SLC12A6: variants seen among roughly 807,000 people sequenced by gnomAD.
The protein encoded by SLC12A6 is K-Cl cotransporter 3.
Under a neutral mutation model 135.3 loss-of-function variants are expected in SLC12A6, and 66 were observed. That is an observed-to-expected ratio of 0.49 (90% confidence interval 0.40 to 0.60). The LOEUF (loss-of-function observed/expected upper bound fraction) is 0.60. Ranked by LOEUF, SLC12A6 falls within the 20% of genes least tolerant of loss-of-function variation. The pLI is 0.00. For missense variants in SLC12A6, 1,058 were observed against 1,452.3 expected, an observed-to-expected ratio of 0.73 and a Z score of 4.41; for synonymous variants, 513 against 508.8, an observed-to-expected ratio of 1.01 and a Z score of -0.11.
intron 7 of SLC12A6, 72 bp from the exon 8 acceptor site, chr15:34,255,464 A>G: frequency 1.9e-6 from 2 of 1,067,276 alleles, no homozygotes; most frequent in South Asian, 1.3e-5. Flanking sequence ...TAAAACAGAA[A>G]TAAGAAAAAA....
Position 34,281,492 on chromosome 15 carries a change from T to A in SLC12A6, c.272-6103A>T, listed in dbSNP as rs531207923. ...AAAAACTAACATGAGATTAATGAGG[T>A]TTAAATAAATGAGTAAGCCGGGTGC... On this transcript the variant is annotated intron_variant, in intron 2 of 25. Coordinates refer to ENST00000354181, the MANE Select transcript of SLC12A6 (RefSeq NM_001365088.1). Among the ~76,000 whole-genome samples, 18 of 152,150 alleles carry A rather than the reference T, an allele frequency of 1.2e-4. No individual in the cohort carries two copies. In the East Asian group the frequency reaches 3.1e-3, roughly 26 times the overall value.
chr15:34,318,514 C>A lies in SLC12A6; in HGVS notation c.271+17896G>T, dbSNP rs531225740. The A allele has an allele frequency of 2.6e-4, 377 of 1,474,668 alleles. 3 individuals carry two copies. In the South Asian group the frequency reaches 3.6e-3, roughly 14 times the overall value. 91.3% of individuals were successfully genotyped at this position (1,474,668 alleles called of 1,614,324 possible). A position where few individuals can be genotyped will look rare whatever the true frequency, so the allele number is the denominator to read the frequency against. ...ATTTTGATATCCTAGTTACTTCTTT[C>A]ATGAAACATTTTATAGGTTCCAAAA... On this transcript the variant is annotated intron_variant, in intron 2 of 25. Coordinates refer to ENST00000354181, the MANE Select transcript of SLC12A6 (RefSeq NM_001365088.1).
intron 2 of SLC12A6, among the ~76,000 whole-genome samples, chr15:34,332,710 G>C (rs960252433): frequency 1.3e-5 from 2 of 151,944 alleles, no homozygotes; most frequent in Non-Finnish European, 2.9e-5. Flanking sequence ...TTGGACCAGG[G>C]AGGTGGAGGT....
chr15:34,270,042 T>G (rs1189256472), intron 3 of SLC12A6, among the ~76,000 whole-genome samples: 1 of 148,996 alleles, frequency 6.7e-6, no homozygotes, highest in Non-Finnish European at 1.5e-5. Flanking sequence ...AGTGGTTCAG[T>G]TAAAAACAGG....
intron 2 of SLC12A6, among the ~76,000 whole-genome samples, chr15:34,325,336 T>C (rs974209093): frequency 6.6e-6 from 1 of 152,236 alleles, no homozygotes; most frequent in South Asian, 2.1e-4. Context: ...TTCTAAATTT[T>C]GCCTTACTAT....
chr15:34,237,303 T>C, intron 22 of SLC12A6, 116 bp downstream of exon 22: 1 of 796,542 alleles, frequency 1.3e-6, no homozygotes, highest in South Asian at 1.6e-5. Context: ...TTTTTGGCAC[T>C]AGGGGATTAA....
intron 3 of SLC12A6, 60 bp from the exon 4 acceptor site, chr15:34,261,080 G>A: frequency 1.1e-6 from 1 of 873,730 alleles, no homozygotes; most frequent in South Asian, 1.3e-5. Context: ...AGAAACATCA[G>A]CACCAGATAA....
At chr15:34,247,728 A>G (rs1210430010) in intron 13 of SLC12A6, among the ~76,000 whole-genome samples, 2 of 149,194 alleles carry the variant, frequency 1.3e-5, no homozygotes, top group African/African-American at 2.5e-5. Flanking sequence ...TTTTTGAGAC[A>G]GGGTCTTGCT....
At chr15:34,254,645 A>G in intron 8 of SLC12A6, 56 bp from the exon 9 acceptor site, 2 of 1,352,292 alleles carry the variant, frequency 1.5e-6, no homozygotes, top group Non-Finnish European at 2.1e-6. Flanking sequence ...TTAAGTAAAA[A>G]GGCTGTATTC....
chr15:34,238,552 C>T, intron 20 of SLC12A6, 151 bp from the exon 21 acceptor site: 1 of 692,818 alleles, frequency 1.4e-6, no homozygotes, highest in South Asian at 1.6e-5. Flanking sequence ...TATCAAAAAC[C>T]ATTGTGAAAA....
chr15:34,254,203 G>C, intron 9 of SLC12A6, 145 bp downstream of exon 9: 1 of 831,866 alleles, frequency 1.2e-6, no homozygotes, highest in Non-Finnish European at 2.1e-6. Flanking sequence ...TTCCTGCCTA[G>C]ATGAGGAAGG....
In SLC12A6 at chr15:34,336,417, G is replaced by T. The variant is rs748316431; in HGVS notation, c.264C>A (p.Val88=). 2 of 1,613,396 alleles carry T rather than the reference G, an allele frequency of 1.2e-6. No individual in the cohort carries two copies. The highest frequency in any genetic ancestry group is 3.3e-5 in the Admixed American group (2 of 60,002). The part of the protein sequence containing the change: ...PSDRTSHPQD[V]IEDLSQNSIT... ...GTCTGTGTTTCTACTTACCCTCGATGACATCCTGGGGGTGAGAAGTCCGGT... is the reference window on the plus strand; with the variant it reads ...GTCTGTGTTTCTACTTACCCTCGATTACATCCTGGGGGTGAGAAGTCCGGT... Residue 88 remains valine (V), a synonymous_variant, in exon 2 of 26, where the codon GTC becomes GTA. Coordinates refer to ENST00000354181, the MANE Select transcript of SLC12A6 (RefSeq NM_001365088.1).
chr15:34,237,386 G>T, intron 22 of SLC12A6, 33 bp downstream of exon 22: 1 of 1,594,058 alleles, frequency 6.3e-7, no homozygotes, highest in African/African-American at 1.3e-5. Flanking sequence ...ATGGGGGAAT[G>T]AACCTCTTGT....
chr15:34,263,557 G>A, intron 3 of SLC12A6, among the ~76,000 whole-genome samples: 1 of 151,954 alleles, frequency 6.6e-6, no homozygotes, highest in Middle Eastern at 3.4e-3. Flanking sequence ...AAAAAAAGGA[G>A]ACCAGGCCCA....
chr15:34,326,301 T>C (rs1889452967), intron 2 of SLC12A6, among the ~76,000 whole-genome samples: 1 of 152,224 alleles, frequency 6.6e-6, no homozygotes, highest in East Asian at 1.9e-4. Flanking sequence ...ATTTCTGATC[T>C]AAGATATTTC....
At chr15:34,251,082 A>C in intron 10 of SLC12A6, 25 bp from the exon 11 acceptor site, 1 of 1,524,230 alleles carries the variant, frequency 6.6e-7, no homozygotes. Context: ...ATGGGAATTT[A>C]AGCAGCAGCA....
At chr15:34,316,452 C>G (rs1296810093) in intron 2 of SLC12A6, among the ~76,000 whole-genome samples, 1 of 152,078 alleles carries the variant, frequency 6.6e-6, no homozygotes, top group Non-Finnish European at 1.5e-5. Context: ...TCCTTCCTAC[C>G]CTTGAATTTA....
chr15:34,271,075 G>A (rs1472225329), intron 3 of SLC12A6, among the ~76,000 whole-genome samples: 1 of 152,082 alleles, frequency 6.6e-6, no homozygotes, highest in African/African-American at 2.4e-5. Flanking sequence ...CCCACAAAAC[G>A]TGAGGATTAT....
At position 34,236,707 on chromosome 15, in the gene SLC12A6, C is replaced by T; in HGVS notation, c.3042+1G>A. The stretch of plus-strand genomic sequence containing the variant: ...ATTGGATTGATGCAGTAATGTCTCA[C>T]CTCTCTGTCTCGCTCTGTTTTGGAT... On this transcript the variant is annotated splice_donor_variant, in intron 23 of 25. Coordinates refer to ENST00000354181, the MANE Select transcript of SLC12A6 (RefSeq NM_001365088.1). LOFTEE classifies it high-confidence loss of function. 6.6e-7 allele frequency: 1 copy of T among 1,525,044 alleles called. No individual in the cohort carries two copies. The highest frequency in any genetic ancestry group is 9.1e-7 in the Non-Finnish European group (1 of 1,098,008). 94.5% of individuals were successfully genotyped at this position (1,525,044 alleles called of 1,614,324 possible). A position where few individuals can be genotyped will look rare whatever the true frequency, so the allele number is the denominator to read the frequency against.
Sources: gnomAD v4.1 joint callset for allele counts (sites outside exome capture counted in the v4.1 genomes callset) on GRCh38, gnomAD v4.1.1 for gene constraint, MANE v1.5 for transcripts, NCBI Gene and HGNC (gene_info 2026-07-23, HGNC 2026-07-21) for gene names.